Variants in ZNF83 observed in about 807,000 individuals in gnomAD.
The protein encoded by ZNF83 is zinc finger protein 83.
For missense variants in ZNF83, 552 were observed against 629.9 expected, an observed-to-expected ratio of 0.88 and a Z score of 1.32; for synonymous variants, 209 against 213.0, an observed-to-expected ratio of 0.98 and a Z score of 0.17.
intron 2 of ZNF83, chr19:52,655,756 G>A: frequency 1.4e-6 from 1 of 694,074 alleles, no homozygotes; most frequent in Non-Finnish European, 2.6e-6. Flanking sequence ...AATGAGAAAA[G>A]AGAAAATAAG....
intron 1 of ZNF83, among the ~76,000 whole-genome samples, chr19:52,689,652 T>C (rs1331943609): frequency 1.3e-5 from 2 of 152,202 alleles, no homozygotes; most frequent in Non-Finnish European, 2.9e-5. Context: ...CTTTTCACTT[T>C]TGCTGTCTCT....
upstream of ZNF83, chr19:52,638,389 T>TATGGG (rs1568555487): frequency 1.4e-5 from 1 of 71,402 alleles, no homozygotes; most frequent in East Asian, 6.6e-4. Flanking sequence ...AGAAGCCAGG[T>TATGGG]CTGGGCGGGG....
At chr19:52,681,280 C>CA (rs56916405) in intron 1 of ZNF83, among the ~76,000 whole-genome samples, 1,057 of 75,374 alleles carry the variant, frequency 0.014, 40 homozygotes, top group Admixed American at 0.043. Flanking sequence ...GAGACTTTCT[C>CA]AAAAAAAAAA....
chr19:52,663,393 TC>T (rs1467976503), intron 1 of ZNF83, among the ~76,000 whole-genome samples: 1 of 152,200 alleles, frequency 6.6e-6, no homozygotes, highest in East Asian at 1.9e-4. Context: ...AATGTTTTCT[TC>T]ATGAACACAT....
intron 2 of ZNF83, among the ~76,000 whole-genome samples, chr19:52,629,213 C>T (rs1254111313): frequency 6.6e-6 from 1 of 152,142 alleles, no homozygotes; most frequent in East Asian, 1.9e-4. Context: ...AATTTTTCCA[C>T]CCTGCAAGAT....
intron 1 of ZNF83, among the ~76,000 whole-genome samples, chr19:52,663,199 T>C (rs2061602352): frequency 1.3e-5 from 2 of 152,092 alleles, no homozygotes; most frequent in Admixed American, 6.6e-5. Context: ...CCATCTGTTA[T>C]ATACCTGAGC....
chr19:52,615,961 C>G (rs764839791), intron 2 of ZNF83, among the ~76,000 whole-genome samples: 44 of 152,194 alleles, frequency 2.9e-4, no homozygotes, highest in Non-Finnish European at 5.9e-4. Flanking sequence ...GCCTCAGCCT[C>G]CTGAGTAGCT....
intron 1 of ZNF83, chr19:52,690,301 T>A (rs2062132969): frequency 6.5e-6 from 1 of 152,684 alleles, no homozygotes; most frequent in African/African-American, 2.4e-5. Context: ...GGAAGCGACT[T>A]CCAGACTCTC....
At chr19:52,650,266 T>C (rs2061426367) in intron 3 of ZNF83, among the ~76,000 whole-genome samples, 11 of 151,884 alleles carry the variant, frequency 7.2e-5, no homozygotes, top group Admixed American at 7.2e-4. Flanking sequence ...TCTTTCTTTT[T>C]TTTTTTTGAG....
chr19:52,670,239 T>A (rs959483948), intron 1 of ZNF83, among the ~76,000 whole-genome samples: 1 of 152,134 alleles, frequency 6.6e-6, no homozygotes, highest in African/African-American at 2.4e-5. Context: ...TGCTCCACCC[T>A]GACTCATTCT....
At chr19:52,684,959 G>A (rs2061989987) in intron 1 of ZNF83, among the ~76,000 whole-genome samples, 1 of 152,144 alleles carries the variant, frequency 6.6e-6, no homozygotes, top group South Asian at 2.1e-4. Context: ...TCCCTGCCAG[G>A]CACTGACATG....
At chr19:52,618,198 A>T (rs2060386537) in intron 2 of ZNF83, among the ~76,000 whole-genome samples, 1 of 151,936 alleles carries the variant, frequency 6.6e-6, no homozygotes, top group Non-Finnish European at 1.5e-5. Flanking sequence ...TTCAGGTGAT[A>T]ATCTTACCTT....
intron 2 of ZNF83, among the ~76,000 whole-genome samples, chr19:52,656,778 A>C (rs2061510546): frequency 6.6e-6 from 1 of 151,708 alleles, no homozygotes; most frequent in African/African-American, 2.4e-5. Flanking sequence ...AGGCAGAAGA[A>C]TCACTTGAAC....
chr19:52,621,968 T>C (rs540997795), intron 2 of ZNF83, among the ~76,000 whole-genome samples: 1 of 151,878 alleles, frequency 6.6e-6, no homozygotes, highest in Non-Finnish European at 1.5e-5. Context: ...CCCTCCTGCC[T>C]GTCCCTTCAG....
chr19:52,651,685 A>C (rs2061443116), intron 3 of ZNF83: 1 of 8,714 alleles, frequency 1.1e-4, no homozygotes. Context: ...CTCTGTCTCA[A>C]AAAAAAAAAA....
chr19:52,677,093 C>T (rs2061824989), intron 1 of ZNF83, among the ~76,000 whole-genome samples: 1 of 145,582 alleles, frequency 6.9e-6, no homozygotes, highest in Non-Finnish European at 1.5e-5. Context: ...GCCAAATCCC[C>T]CTCTGTGAGA....
chr19:52,683,093 C>T (rs180975571), intron 1 of ZNF83, among the ~76,000 whole-genome samples: 1,874 of 152,218 alleles, frequency 0.012, 34 homozygotes, highest in Middle Eastern at 0.037. Context: ...TGCTCTCAAA[C>T]TCCTGACTTC....
intron 3 of ZNF83, chr19:52,652,187 C>G (rs1225478821): frequency 4.5e-6 from 1 of 222,414 alleles, no homozygotes; most frequent in Non-Finnish European, 8.9e-6. Context: ...GCCTGTAATA[C>G]CAGCACTTTG....
At chr19:52,637,851 G>A (rs1343947705) in intron 1 of ZNF83, among the ~76,000 whole-genome samples, 3 of 152,138 alleles carry the variant, frequency 2.0e-5, no homozygotes, top group African/African-American at 4.8e-5. Flanking sequence ...CCGCCACGAG[G>A]AGGGAGGTGG....
Sources: gnomAD v4.1 joint callset for allele counts (sites outside exome capture counted in the v4.1 genomes callset) on GRCh38, gnomAD v4.1.1 for gene constraint, MANE v1.5 for transcripts, NCBI Gene and HGNC (gene_info 2026-07-23, HGNC 2026-07-21) for gene names.